Variants in TRDN observed in about 807,000 individuals in gnomAD.
The protein encoded by TRDN is triadin in skeletal muscle.
In TRDN, 161 loss-of-function variants were observed where a neutral mutation model predicts 149.7. That is an observed-to-expected ratio of 1.08 (90% CI 0.95 to 1.23). The LOEUF (loss-of-function observed/expected upper bound fraction) is 1.23, where lower values mean the gene tolerates loss of function less well. Ranked by LOEUF, TRDN falls within the 50% of genes most tolerant of loss-of-function variation. TRDN has a pLI of 0.00. For synonymous variants in TRDN, 294 were observed against 250.5 expected, an observed-to-expected ratio of 1.17 and a Z score of -1.64; for missense variants, 896 against 823.5, an observed-to-expected ratio of 1.09 and a Z score of -1.08.
intron 2 of TRDN, among the ~76,000 whole-genome samples, chr6:123,561,507 T>G (rs569505571): frequency 6.6e-6 from 1 of 152,186 alleles, no homozygotes; most frequent in East Asian, 1.9e-4. Context: ...CAGCCCAACT[T>G]GAACTGCACC....
intron 1 of TRDN, among the ~76,000 whole-genome samples, chr6:123,606,601 AT>A (rs1784539046): frequency 6.6e-6 from 1 of 152,138 alleles, no homozygotes; most frequent in South Asian, 2.1e-4. Flanking sequence ...AGTTACTCAT[AT>A]ATGGTAGAAA....
At chr6:123,389,889 G>A (rs1782042152) in intron 13 of TRDN, among the ~76,000 whole-genome samples, 1 of 152,070 alleles carries the variant, frequency 6.6e-6, no homozygotes, top group Non-Finnish European at 1.5e-5. Flanking sequence ...AAATGATATG[G>A]ACATGGCCTG....
At chr6:123,543,859 T>C (rs1464226219) in intron 4 of TRDN, among the ~76,000 whole-genome samples, 2 of 152,114 alleles carry the variant, frequency 1.3e-5, no homozygotes, top group Non-Finnish European at 2.9e-5. Flanking sequence ...TTCTCTTTTC[T>C]CTTTGAATTC....
In TRDN at chr6:123,217,893, A is replaced by T. The variant is rs1775010420; in HGVS notation, c.*708T>A. ...ACGATTCACCAGACCTGACTAATTG[A>T]ATGGTGTATTTCCACTGGACTGAAT... On this transcript the variant is annotated 3_prime_UTR_variant, in exon 41 of 41. Transcript: ENST00000334268. 1 of 151,952 alleles carries T rather than the reference A, an allele frequency of 6.6e-6. No homozygotes were observed. The highest frequency in any genetic ancestry group is 1.5e-5 in the Non-Finnish European group (1 of 67,922). The allele number at this position is 151,952 out of a possible 1,614,324, so 9.4% of individuals were successfully genotyped here.
At chr6:123,532,435 T>C (rs778059933) in intron 4 of TRDN, among the ~76,000 whole-genome samples, 4 of 152,062 alleles carry the variant, frequency 2.6e-5, no homozygotes, top group Non-Finnish European at 5.9e-5. Context: ...TTGTATAATT[T>C]GGATGGGCTT....
chr6:123,557,584 G>T (rs1457593249), intron 2 of TRDN, among the ~76,000 whole-genome samples: 1 of 152,068 alleles, frequency 6.6e-6, no homozygotes, highest in African/African-American at 2.4e-5. Context: ...AAACTCCGGA[G>T]CCGGTCACGG....
chr6:123,453,277 GC>G (rs1775899197), intron 10 of TRDN, among the ~76,000 whole-genome samples: 1 of 152,156 alleles, frequency 6.6e-6, no homozygotes, highest in Admixed American at 6.5e-5. Context: ...AAACTAAAGA[GC>G]TTTTGCACAG....
chr6:123,590,804 G>T (rs1264489693), intron 1 of TRDN, among the ~76,000 whole-genome samples: 3 of 152,026 alleles, frequency 2.0e-5, no homozygotes, highest in African/African-American at 7.2e-5. Context: ...GAAATAAAGT[G>T]CACGATAAAT....
chr6:123,443,990 C>G (rs1775116319), intron 10 of TRDN, among the ~76,000 whole-genome samples: 1 of 151,090 alleles, frequency 6.6e-6, no homozygotes, highest in Non-Finnish European at 1.5e-5. Flanking sequence ...TTAGGATTGA[C>G]TTGGCGATGT....
intron 24 of TRDN, among the ~76,000 whole-genome samples, chr6:123,288,539 A>G (rs1467682798): frequency 6.6e-6 from 1 of 152,162 alleles, no homozygotes; most frequent in Non-Finnish European, 1.5e-5. Flanking sequence ...AATAACAGAA[A>G]ACAAACACCT....
chr6:123,338,176 T>C lies in TRDN; in HGVS notation c.1370-507A>G, dbSNP rs577729078. On this transcript the variant is annotated intron_variant, in intron 21 of 40. Coordinates refer to ENST00000334268, the MANE Select transcript of TRDN (RefSeq NM_006073.4). ...ATAAGTACTGGCTCCAGTAGTTGCATAATGGGCTCAGTGAAGGATGTAAGA... is the reference window on the plus strand; with the variant it reads ...ATAAGTACTGGCTCCAGTAGTTGCACAATGGGCTCAGTGAAGGATGTAAGA... Among the ~76,000 whole-genome samples, 173 of 152,268 alleles carry C rather than the reference T, an allele frequency of 1.1e-3. 2 individuals carry two copies. The highest frequency in any genetic ancestry group is 2.1e-3 in the Non-Finnish European group (143 of 68,016).
chr6:123,269,392 T>TA (rs1325605042), intron 31 of TRDN, among the ~76,000 whole-genome samples: 1 of 152,010 alleles, frequency 6.6e-6, no homozygotes, highest in Non-Finnish European at 1.5e-5. Context: ...GCAAACAAAT[T>TA]AAAAACAGTA....
At chr6:123,363,536 G>T (rs2114348088) in intron 20 of TRDN, among the ~76,000 whole-genome samples, 1 of 152,180 alleles carries the variant, frequency 6.6e-6, no homozygotes, top group African/African-American at 2.4e-5. Flanking sequence ...TGAGAATTGG[G>T]GTATGAGATC....
At chr6:123,285,535 C>T (rs926462253) in intron 24 of TRDN, among the ~76,000 whole-genome samples, 1 of 152,200 alleles carries the variant, frequency 6.6e-6, no homozygotes, top group African/African-American at 2.4e-5. Context: ...CAGAAATCAA[C>T]TCAAGATGCA....
intron 37 of TRDN, among the ~76,000 whole-genome samples, chr6:123,254,551 G>A (rs1226595359): frequency 6.6e-6 from 1 of 151,920 alleles, no homozygotes; most frequent in Non-Finnish European, 1.5e-5. Flanking sequence ...ACATAATTTA[G>A]TATAAACGTT....
chr6:123,453,727 C>A (rs971282230), intron 10 of TRDN, among the ~76,000 whole-genome samples: 1 of 152,082 alleles, frequency 6.6e-6, no homozygotes, highest in African/African-American at 2.4e-5. Flanking sequence ...AGTAGAACTA[C>A]CATTTGATCC....
intron 9 of TRDN, among the ~76,000 whole-genome samples, chr6:123,482,834 G>A (rs1777804099): frequency 6.6e-6 from 1 of 151,970 alleles, no homozygotes; most frequent in South Asian, 2.1e-4. Flanking sequence ...ATAGAAAGTG[G>A]TTTATAGGTG....
chr6:123,299,251 G>C (rs62418735), intron 24 of TRDN, among the ~76,000 whole-genome samples: 78,531 of 151,714 alleles, frequency 0.52, 20,891 homozygotes, highest in Admixed American at 0.59. Context: ...GCATGGGAAG[G>C]GGGTGAAGGG....
At chr6:123,313,025 C>A (rs574744443) in intron 24 of TRDN, among the ~76,000 whole-genome samples, 2 of 151,980 alleles carry the variant, frequency 1.3e-5, no homozygotes, top group African/African-American at 4.8e-5. Flanking sequence ...AAATTAAAAG[C>A]AAATACCATA....
Sources: allele counts gnomAD v4.1 joint callset (sites outside exome capture counted in the v4.1 genomes callset), GRCh38; gene constraint gnomAD v4.1.1; transcripts MANE v1.5; gene names NCBI Gene and HGNC (gene_info 2026-07-23, HGNC 2026-07-21).